Variants in FREM1 observed in about 807,000 individuals in gnomAD.
FREM1 encodes the protein FRAS1-related extracellular matrix protein 1.
A neutral mutation model predicts 210.1 loss-of-function variants in FREM1; 220 were observed. The observed-to-expected ratio is 1.05, with a 90% CI of 0.94 to 1.17. The LOEUF (loss-of-function observed/expected upper bound fraction) is 1.17. FREM1 is among the 50% of genes most tolerant of loss of function. The pLI is 0.00. For synonymous variants in FREM1, 1,189 were observed against 980.2 expected, an observed-to-expected ratio of 1.21 and a Z score of -3.98; for missense variants, 3,454 against 2,675.5, an observed-to-expected ratio of 1.29 and a Z score of -6.42.
intron 1 of FREM1, among the ~76,000 whole-genome samples, chr9:14,899,269 C>T (rs1277278807): frequency 1.3e-5 from 2 of 152,210 alleles, no homozygotes; most frequent in African/African-American, 2.4e-5. Flanking sequence ...ACACCCATGC[C>T]AGTGTGCCAG....
intron 10 of FREM1, among the ~76,000 whole-genome samples, chr9:14,835,924 GA>G (rs1242056500): frequency 1.3e-5 from 2 of 152,032 alleles, no homozygotes; most frequent in Admixed American, 6.6e-5. Context: ...CGTTTTAGAC[GA>G]ACCCTGCTTA....
chr9:14,904,365 G>C (rs960433182), intron 1 of FREM1, among the ~76,000 whole-genome samples: 3 of 152,046 alleles, frequency 2.0e-5, no homozygotes, highest in Non-Finnish European at 4.4e-5. Context: ...AATCCAAGAG[G>C]GTTAACTGTT....
chr9:14,824,711 CTATATATA>C lies in FREM1; in HGVS notation c.2078+77_2078+84del, dbSNP rs139400976. 2.6e-5 allele frequency: 21 copies of C among 816,026 alleles called. No homozygotes were observed. The Admixed American group carries it at 2.7e-4, about 10-fold the overall frequency. The allele number at this position is 816,026 out of a possible 1,614,324, so 50.5% of individuals were successfully genotyped here. On this transcript the variant is annotated intron_variant, in intron 11 of 36. Coordinates refer to ENST00000380880, the MANE Select transcript of FREM1 (RefSeq NM_001379081.2). The stretch of plus-strand genomic sequence containing the variant: ...CCAATGGAGCAAGTAAACCACAGTA[CTATATATA>C]TATATATTGCTCTATATTGACACTT...
At chr9:14,782,021 T>C (rs1393743348) in intron 24 of FREM1, among the ~76,000 whole-genome samples, 2 of 152,212 alleles carry the variant, frequency 1.3e-5, no homozygotes, top group African/African-American at 4.8e-5. Flanking sequence ...CCATAAATTC[T>C]TGAGGCTCCT....
At chr9:14,813,264 G>A (rs925557623) in intron 15 of FREM1, among the ~76,000 whole-genome samples, 200 bp from the exon 16 acceptor site, 3 of 152,100 alleles carry the variant, frequency 2.0e-5, no homozygotes, top group Admixed American at 2.0e-4. Flanking sequence ...TGCCCCATGT[G>A]ACAGACATTT....
At chr9:14,871,050 A>G (rs1487251848) in intron 1 of FREM1, among the ~76,000 whole-genome samples, 1 of 152,094 alleles carries the variant, frequency 6.6e-6, no homozygotes, top group African/African-American at 2.4e-5. Context: ...AATCCAGTCT[A>G]TCATGGCTGG....
At chr9:14,750,819 G>A (rs1489945542) in intron 29 of FREM1, among the ~76,000 whole-genome samples, 1 of 152,124 alleles carries the variant, frequency 6.6e-6, no homozygotes, top group East Asian at 1.9e-4. Flanking sequence ...ATAATACTCA[G>A]TAGTTTGATA....
chr9:14,824,940 G>C lies in FREM1; in HGVS notation c.1934C>G (p.Pro645Arg). 1 of 1,607,198 alleles carries C rather than the reference G, an allele frequency of 6.2e-7. No individual in the cohort carries two copies. The highest frequency in any genetic ancestry group is 8.5e-7 in the Non-Finnish European group (1 of 1,178,302). Reference sequence around the variant, plus strand: ...GACAACCAAATGCCGAGAAACTCCAGGAGCCTCTTTTGGAAGCTGGTCATC... The same window carrying C: ...GACAACCAAATGCCGAGAAACTCCACGAGCCTCTTTTGGAAGCTGGTCATC... ...PVDDQLPKEAPGVSRHLVVKE... is the reference protein window; with the variant it reads ...PVDDQLPKEARGVSRHLVVKE... The change falls in exon 11 of 37, where the codon CCT (proline) becomes CGT (arginine). Residue 645 changes from proline (P) to arginine (R), a missense_variant. Transcript: ENST00000380880.
At chr9:14,894,735 G>C (rs1837408206) in intron 1 of FREM1, among the ~76,000 whole-genome samples, 1 of 152,110 alleles carries the variant, frequency 6.6e-6, no homozygotes, top group African/African-American at 2.4e-5. Context: ...ACAGAATTTG[G>C]AGCATGTTTG....
intron 5 of FREM1, among the ~76,000 whole-genome samples, chr9:14,854,944 G>A (rs1314979969): frequency 1.3e-5 from 2 of 152,044 alleles, no homozygotes; most frequent in East Asian, 3.9e-4. Flanking sequence ...CTTCATTTCT[G>A]GATGAAAAGA....
In FREM1 at chr9:14,770,636, T is replaced by G. The variant is rs768267811; in HGVS notation, c.5028A>C (p.Pro1676=). ...DQIIFKILQG[P]KHGHLENTTT... is the part of the protein sequence containing the mutation. ...TTGTGTTCTCCAGATGTCCATGTTT[T>G]GGGCCTTGTAGAATTTTAAAGATGA... The change falls in exon 26 of 37, where the codon CCA becomes CCC. Residue 1676 remains proline (P), a synonymous_variant. Coordinates refer to ENST00000380880, the MANE Select transcript of FREM1 (RefSeq NM_001379081.2). 3 of 1,613,342 alleles carry G rather than the reference T, an allele frequency of 1.9e-6. No individual in the cohort carries two copies. The highest frequency in any genetic ancestry group is 2.5e-6 in the Non-Finnish European group (3 of 1,179,444).
chr9:14,755,500 C>T (rs746476741), intron 29 of FREM1, among the ~76,000 whole-genome samples: 1 of 152,172 alleles, frequency 6.6e-6, no homozygotes, highest in Non-Finnish European at 1.5e-5. Context: ...CAAGCCCCCA[C>T]ATTTGATTCA....
rs1588365941 is a variant in FREM1, at chr9:14,851,382, T to A, written c.1054A>T (p.Thr352Ser). 1.2e-6 allele frequency: 2 copies of A among 1,613,944 alleles called. No homozygotes were observed. Among genetic ancestry groups the A allele is most frequent in the Middle Eastern group, 3.3e-4 (2 of 6,062 alleles). Reference sequence around the variant, plus strand: ...CAGGTGAATGAGGAGATTGGTCTGGTGTGATCCAACAGGTGAGTCACATAG... The same window carrying A: ...CAGGTGAATGAGGAGATTGGTCTGGAGTGATCCAACAGGTGAGTCACATAG... ...QGYVTHLLDH[T>S]RPISSFTWKD... Residue 352 changes from threonine to serine, a missense_variant, in exon 6 of 37, where the codon ACC (threonine) becomes TCC (serine). Thr to Ser is a moderately conservative substitution (Grantham distance 58). Transcript: ENST00000380880.
intron 1 of FREM1, among the ~76,000 whole-genome samples, chr9:14,878,802 A>G (rs1834253748): frequency 6.6e-6 from 1 of 152,176 alleles, no homozygotes; most frequent in South Asian, 2.1e-4. Context: ...CAATGCCTTA[A>G]ATTCCCTTAT....
chr9:14,785,405 A>C (rs934674098), intron 23 of FREM1, among the ~76,000 whole-genome samples: 1 of 152,238 alleles, frequency 6.6e-6, no homozygotes, highest in Non-Finnish European at 1.5e-5. Context: ...GAAGATGTCT[A>C]TTGTTAATAT....
chr9:14,861,590 T>C (rs1225965605), intron 3 of FREM1, among the ~76,000 whole-genome samples: 1 of 141,242 alleles, frequency 7.1e-6, no homozygotes, highest in Non-Finnish European at 1.5e-5. Flanking sequence ...CACCGCAACC[T>C]CTGCCTCCCA....
intron 27 of FREM1, among the ~76,000 whole-genome samples, chr9:14,761,624 G>A (rs1222954172): frequency 6.6e-6 from 1 of 152,156 alleles, no homozygotes; most frequent in African/African-American, 2.4e-5. Context: ...AATATTAAGT[G>A]AAAAATCCCA....
intron 16 of FREM1, among the ~76,000 whole-genome samples, chr9:14,811,732 C>A (rs1819445270): frequency 6.6e-6 from 1 of 152,128 alleles, no homozygotes; most frequent in Admixed American, 6.5e-5. Context: ...TGTTTTCTCC[C>A]ATTTCTGAAT....
In FREM1 at chr9:14,906,963, T is replaced by C. The variant is rs10961788; in HGVS notation, c.-268+2951A>G. On this transcript the variant is annotated intron_variant, in intron 1 of 36. Transcript: ENST00000380880. ...AAGTGACATGCAATCTTAGCAGCCT[T>C]TGGATGATGCACAAAAAGAGCATTT... is the stretch of plus-strand genomic sequence containing the variant. 4.6e-4 allele frequency among the ~76,000 whole-genome samples: 70 copies of C among 152,290 alleles called. No homozygotes were observed. In the East Asian group the frequency reaches 0.014, roughly 29 times the overall value.
Sources: allele counts gnomAD v4.1 joint callset (sites outside exome capture counted in the v4.1 genomes callset), GRCh38; gene constraint gnomAD v4.1.1; transcripts MANE v1.5; gene names NCBI Gene and HGNC (gene_info 2026-07-23, HGNC 2026-07-21).